ARL15: variants seen among roughly 807,000 people sequenced by gnomAD.
ARL15 encodes the protein ARF like GTPase 15, also known as ADP-ribosylation factor-like protein 15.
Under a neutral mutation model 25.2 loss-of-function variants are expected in ARL15, and 19 were observed. The ratio of observed to expected loss-of-function variants is 0.75; its 90% CI spans 0.53 to 1.10. The LOEUF (loss-of-function observed/expected upper bound fraction) is 1.10. ARL15 is among the 50% of genes least tolerant of loss of function. The probability of loss-of-function intolerance (pLI) is 0.00; values close to 1 mark genes in which losing one functional copy is unlikely to be tolerated. For synonymous variants in ARL15, 94 were observed against 86.8 expected (o/e 1.08, Z -0.46); for missense variants, 220 against 246.0 (o/e 0.89, Z 0.71).
At chr5:54,084,171 G>A (rs1356970613) in intron 4 of ARL15, among the ~76,000 whole-genome samples, 1 of 152,154 alleles carries the variant, frequency 6.6e-6, no homozygotes, top group Non-Finnish European at 1.5e-5. Context: ...GAGTGCTCTT[G>A]TACAATTAGC....
At chr5:54,137,982 G>C (rs1484617411) in intron 3 of ARL15, among the ~76,000 whole-genome samples, 4 of 152,032 alleles carry the variant, frequency 2.6e-5, no homozygotes, top group African/African-American at 9.7e-5. Flanking sequence ...GTATGCCTTA[G>C]AAATGGTCTG....
At chr5:53,991,310 G>C (rs1244829067) in intron 4 of ARL15, among the ~76,000 whole-genome samples, 7 of 152,090 alleles carry the variant, frequency 4.6e-5, no homozygotes. Context: ...GGGAGGCCGA[G>C]GCAGGCAGAT....
At chr5:54,018,254 A>G (rs547825823) in intron 4 of ARL15, among the ~76,000 whole-genome samples, 1 of 152,230 alleles carries the variant, frequency 6.6e-6, no homozygotes, top group South Asian at 2.1e-4. Context: ...GGATTGATTT[A>G]TAATTTGTTG....
chr5:54,024,851 G>A (rs1749734188), intron 4 of ARL15, among the ~76,000 whole-genome samples: 1 of 151,952 alleles, frequency 6.6e-6, no homozygotes, highest in African/African-American at 2.4e-5. Context: ...AAAATCCAGA[G>A]GCTTTTGAAA....
intron 1 of ARL15, among the ~76,000 whole-genome samples, chr5:54,309,483 A>G (rs775045403): frequency 2.6e-5 from 4 of 152,232 alleles, no homozygotes; most frequent in East Asian, 1.9e-4. Context: ...AACCGAGTGC[A>G]TGTGTCCAAC....
intron 4 of ARL15, among the ~76,000 whole-genome samples, chr5:54,010,999 C>CA (rs550633292): frequency 0.03 from 3,055 of 101,548 alleles, 78 homozygotes; most frequent in East Asian, 0.14. Context: ...GGCTCCGTCT[C>CA]AAAAAAAAAA....
intron 4 of ARL15, among the ~76,000 whole-genome samples, chr5:54,031,173 T>C (rs1749970689): frequency 6.6e-6 from 1 of 152,194 alleles, no homozygotes. Context: ...GAAAAAAGTT[T>C]GTGCCGACAT....
intron 4 of ARL15, among the ~76,000 whole-genome samples, chr5:53,991,844 C>T (rs1022012122): frequency 6.6e-6 from 1 of 152,014 alleles, no homozygotes; most frequent in Non-Finnish European, 1.5e-5. Context: ...TTATTAAGTA[C>T]CTACGTTCAA....
At chr5:54,209,807 T>C (rs1471692896) in intron 1 of ARL15, among the ~76,000 whole-genome samples, 1 of 152,126 alleles carries the variant, frequency 6.6e-6, no homozygotes, top group Non-Finnish European at 1.5e-5. Flanking sequence ...TCTTCCAGAG[T>C]GTTTGAAACT....
intron 4 of ARL15, among the ~76,000 whole-genome samples, chr5:53,902,465 T>C (rs914098627): frequency 1.3e-5 from 2 of 152,218 alleles, no homozygotes; most frequent in Admixed American, 6.5e-5. Flanking sequence ...ACAAGGTTAT[T>C]TGGCTTTTGT....
chr5:54,137,048 C>CTTTT lies in ARL15; in HGVS notation c.253+17528_253+17531dup, dbSNP rs879572324. ...TTGATTTAGAACTGCAGTAGATAAC[C>CTTTT]TTTTTTTTTTTTTTGCTTCAGGCTC... is the stretch of plus-strand genomic sequence containing the variant. On this transcript the variant is annotated intron_variant, in intron 3 of 4. Coordinates refer to ENST00000504924, the MANE Select transcript of ARL15 (RefSeq NM_019087.3). Among the ~76,000 whole-genome samples, 206 of 141,020 alleles carry CTTTT rather than the reference C, an allele frequency of 1.5e-3. 1 individual carries two copies. Among genetic ancestry groups the CTTTT allele is most frequent in the Admixed American group, 7.7e-3 (108 of 13,986 alleles). 92.5% of individuals were successfully genotyped at this position (141,020 alleles called of 152,430 possible).
intron 1 of ARL15, among the ~76,000 whole-genome samples, chr5:54,215,815 G>A (rs565272745): frequency 1.3e-5 from 2 of 151,582 alleles, no homozygotes; most frequent in East Asian, 1.9e-4. Context: ...TGGGGGAGTG[G>A]ATTCATGACA....
At chr5:54,165,125 C>G (rs942461081) in intron 2 of ARL15, among the ~76,000 whole-genome samples, 1 of 151,968 alleles carries the variant, frequency 6.6e-6, no homozygotes, top group Non-Finnish European at 1.5e-5. Context: ...AAGAATCTTC[C>G]AATAGTGTAC....
intron 4 of ARL15, among the ~76,000 whole-genome samples, chr5:53,895,107 C>T (rs945503243): frequency 2.0e-5 from 3 of 152,158 alleles, no homozygotes; most frequent in African/African-American, 7.2e-5. Context: ...AATAAAAAGT[C>T]AACCCCTGGC....
intron 1 of ARL15, among the ~76,000 whole-genome samples, chr5:54,253,787 G>C (rs571390747): frequency 6.6e-6 from 1 of 152,020 alleles, no homozygotes; most frequent in Non-Finnish European, 1.5e-5. Flanking sequence ...GACAGGATTC[G>C]TCATCTTGCC....
At chr5:54,143,097 T>C (rs931660947) in intron 3 of ARL15, among the ~76,000 whole-genome samples, 2 of 152,196 alleles carry the variant, frequency 1.3e-5, no homozygotes, top group Middle Eastern at 3.2e-3. Context: ...TATTTGATTA[T>C]AAAAATATAC....
chr5:54,061,768 T>C (rs1028533227), intron 4 of ARL15, among the ~76,000 whole-genome samples: 2 of 152,112 alleles, frequency 1.3e-5, no homozygotes, highest in African/African-American at 2.4e-5. Context: ...AATGTGGGCT[T>C]GGAGTCCCCA....
At chr5:54,126,664 C>A (rs991366546) in intron 3 of ARL15, among the ~76,000 whole-genome samples, 2 of 152,296 alleles carry the variant, frequency 1.3e-5, no homozygotes, top group East Asian at 3.9e-4. Context: ...TGGATTAATG[C>A]TGATTATAAA....
chr5:54,118,014 T>TA (rs1378942108), intron 3 of ARL15, among the ~76,000 whole-genome samples: 1 of 152,166 alleles, frequency 6.6e-6, no homozygotes, highest in African/African-American at 2.4e-5. Flanking sequence ...AGTGAACCAA[T>TA]ATTTTCCAAA....
Sources: gnomAD v4.1 joint callset for allele counts (sites outside exome capture counted in the v4.1 genomes callset) on GRCh38, gnomAD v4.1.1 for gene constraint, MANE v1.5 for transcripts, NCBI Gene and HGNC (gene_info 2026-07-23, HGNC 2026-07-21) for gene names.